The following STOML1 variants were observed in gnomAD, a reference collection of about 807,000 sequenced individuals.
The protein encoded by STOML1 is stomatin-like protein 1.
In STOML1, 27 loss-of-function variants were observed where a neutral mutation model predicts 35.7. The ratio of observed to expected loss-of-function variants is 0.76; its 90% confidence interval spans 0.56 to 1.04. STOML1 has a LOEUF of 1.04. STOML1 is among the 50% of genes least tolerant of loss of function. STOML1 has a pLI of 0.00. For synonymous variants in STOML1, 219 were observed against 227.9 expected, an observed-to-expected ratio of 0.96 and a Z score of 0.35; for missense variants, 451 against 527.1, an observed-to-expected ratio of 0.86 and a Z score of 1.41.
In STOML1 at chr15:73,990,349, A is replaced by G; in HGVS notation, c.240+2T>C. The G allele has an allele frequency of 1.2e-6, 2 of 1,613,980 alleles. No individual in the cohort carries two copies. Among genetic ancestry groups the G allele is most frequent in the Non-Finnish European group, 1.7e-6 (2 of 1,179,920 alleles). Reference sequence around the variant, plus strand: ...CCTGGGGGCTGACCCAGCCAGCCTTACCTTCAGGGCAAACCAGCCAGAAAT... The same window carrying G: ...CCTGGGGGCTGACCCAGCCAGCCTTGCCTTCAGGGCAAACCAGCCAGAAAT... On this transcript the variant is annotated splice_donor_variant, in intron 2 of 6. Transcript: ENST00000541638. LOFTEE classifies it high-confidence loss of function.
chr15:73,993,890 C>T (rs1264965768), upstream of STOML1, among the ~76,000 whole-genome samples: 2 of 151,932 alleles, frequency 1.3e-5, no homozygotes, highest in Non-Finnish European at 2.9e-5. Flanking sequence ...CCTGCCCCCA[C>T]CACCTCAGAT....
chr15:73,992,201 C>T lies in STOML1; in HGVS notation c.23G>A (p.Arg8Gln), dbSNP rs143547792. 8.8e-5 allele frequency: 141 copies of T among 1,606,172 alleles called. 1 individual carries two copies. The African/African-American group carries it at 1.6e-3, about 18-fold the overall frequency. Residue 8 changes from arginine to glutamine, a missense_variant, in exon 1 of 7, where the codon CGG becomes CAG. By Grantham distance (43) the Arg-to-Gln change is conservative. Transcript: ENST00000541638. ...GTCAAAATCACCCAGGGGCAGCGCC[C>T]GGTACCCAGACCTGCCGAGCATGGC... MLGRSGY[R>Q]ALPLGDFDRF... is the part of the protein sequence containing the mutation.
chr15:73,985,325 CG>C lies in STOML1; in HGVS notation c.782del (p.Pro261ArgfsTer10). Reference protein sequence around the residue: ...MNSMAGGAPSPGPADTVEMVS... With the variant: ...MNSMAGGAPSXGPADTVEMVS... The stretch of plus-strand genomic sequence containing the variant: ...CTCCCCAGGGCTCCTCACCTGGCCC[CG>C]GGGACGGGGCACCTCCTGCCATTGA... On this transcript the variant is annotated frameshift_variant, in exon 5 of 7. Transcript: ENST00000541638. LOFTEE classifies it high-confidence loss of function. The C allele has an allele frequency of 1.3e-6, 2 of 1,529,830 alleles. No homozygotes were observed. The highest frequency in any genetic ancestry group is 1.3e-5 in the South Asian group (1 of 77,022). The allele number at this position is 1,529,830 out of a possible 1,614,324, so 94.8% of individuals were successfully genotyped here.
rs1184115674 is a variant in STOML1 at position 73,988,877 on chromosome 15, C to T, written c.391-75G>A. On this transcript the variant is annotated intron_variant, in intron 3 of 6. Coordinates refer to ENST00000541638, the MANE Select transcript of STOML1 (RefSeq NM_004809.5). This position sits in a 1 kb window ranked among gnomAD's most constrained non-coding sequence, Gnocchi z 4.8. ...GGGAGGTCAGGCCCACTGGGGCCAC[C>T]CAGCTTGAACCACCTGCTTGGCAGC... is the stretch of plus-strand genomic sequence containing the variant. 2.6e-6 allele frequency: 4 copies of T among 1,543,260 alleles called. No individual in the cohort carries two copies. In the Admixed American group the frequency reaches 7.5e-5, roughly 29 times the overall value.
At chr15:73,989,310 A>T (rs556132722) in intron 2 of STOML1, 53 bp from the exon 3 acceptor site, 1 of 1,496,918 alleles carries the variant, frequency 6.7e-7, no homozygotes, top group East Asian at 2.3e-5. Flanking sequence ...AGGCTGGCCA[A>T]TGCTGTCTGC....
chr15:73,988,605 C>A lies in STOML1; in HGVS notation c.588G>T (p.Gln196His). The change falls in exon 4 of 7, where the codon CAG becomes CAT. Residue 196 changes from glutamine to histidine, a missense_variant. Physicochemically the swap from Gln to His is conservative, Grantham distance 24. Coordinates refer to ENST00000541638, the MANE Select transcript of STOML1 (RefSeq NM_004809.5). This position sits in a 1 kb window ranked among gnomAD's most constrained non-coding sequence, Gnocchi z 4.8. Reference protein sequence around the residue: ...IQMEKLKISDQLLLEINDVTR... With the variant: ...IQMEKLKISDHLLLEINDVTR... Reference sequence around the variant, plus strand: ...CTTGTGAGGGGCTGCCTACCAGAAGCTGGTCGCTGATCTTGAGCTTCTCCA... The same window carrying A: ...CTTGTGAGGGGCTGCCTACCAGAAGATGGTCGCTGATCTTGAGCTTCTCCA... 6.2e-7 allele frequency: 1 copy of A among 1,614,202 alleles called. No individual in the cohort carries two copies. The highest frequency in any genetic ancestry group is 8.5e-7 in the Non-Finnish European group (1 of 1,180,038).
chr15:73,984,984 T>C, intron 5 of STOML1, 113 bp from the exon 6 acceptor site: 2 of 1,249,414 alleles, frequency 1.6e-6, no homozygotes, highest in Non-Finnish European at 1.1e-6. Context: ...TCCTCTTAGA[T>C]CCCCTTCAGG....
At chr15:73,985,643 G>A in intron 4 of STOML1, 130 bp from the exon 5 acceptor site, 19 of 1,117,708 alleles carry the variant, frequency 1.7e-5, no homozygotes, top group Non-Finnish European at 2.2e-5. Context: ...CCTAGCCTGG[G>A]AACACAGGCA....
chr15:73,985,533 G>A lies in STOML1; in HGVS notation c.595-20C>T, dbSNP rs1398497103. ...CTCCAGCTGGAGGACAGTGTGAGGAGAAATGTAATTAATTCAACAAACCTT... is the reference window on the plus strand; with the variant it reads ...CTCCAGCTGGAGGACAGTGTGAGGAAAAATGTAATTAATTCAACAAACCTT... On this transcript the variant is annotated intron_variant, in intron 4 of 6. Coordinates refer to ENST00000541638, the MANE Select transcript of STOML1 (RefSeq NM_004809.5). 1 of 1,536,840 alleles carries A rather than the reference G, an allele frequency of 6.5e-7. No individual in the cohort carries two copies. The highest frequency in any genetic ancestry group is 8.8e-7 in the Non-Finnish European group (1 of 1,141,646).
chr15:73,989,339 T>C, intron 2 of STOML1, 82 bp from the exon 3 acceptor site: 1 of 1,392,672 alleles, frequency 7.2e-7, no homozygotes, highest in Non-Finnish European at 9.5e-7. Context: ...CTTCCTCACT[T>C]CTCTCCTCCT....
chr15:73,979,606 C>G lies in STOML1; in HGVS notation c.*4331G>C, dbSNP rs2068939360. The stretch of plus-strand genomic sequence containing the variant: ...ACCTCAGGTGATCCACCTGCCTCGG[C>G]CTCCCAAAGTGCTGGGATTAGAGGC... On this transcript the variant is annotated 3_prime_UTR_variant, in exon 7 of 7. Coordinates refer to ENST00000541638, the MANE Select transcript of STOML1 (RefSeq NM_004809.5). 1 of 152,248 alleles carries G rather than the reference C, an allele frequency of 6.6e-6. No homozygotes were observed. The highest frequency in any genetic ancestry group is 6.5e-5 in the Admixed American group (1 of 15,280). The allele number at this position is 152,248 out of a possible 1,614,324, so 9.4% of individuals were successfully genotyped here. A position where few individuals can be genotyped will look rare whatever the true frequency, so the allele number is the denominator to read the frequency against.
Position 73,990,367 on chromosome 15 carries a change from C to A in STOML1, c.224G>T (p.Gly75Val), listed in dbSNP as rs2069232564. ...LLLLVTFPIS[G>V]WFALKIVPTY... ...CAGCCTTACCTTCAGGGCAAACCAG[C>A]CAGAAATGGGGAAGGTGACCAACAG... The change falls in exon 2 of 7, where the codon GGC becomes GTC. Residue 75 changes from glycine to valine, a missense_variant. Transcript: ENST00000541638. 2.5e-6 allele frequency: 4 copies of A among 1,614,052 alleles called. No individual in the cohort carries two copies. The highest frequency in any genetic ancestry group is 3.4e-6 in the Non-Finnish European group (4 of 1,179,966).
Position 73,989,151 on chromosome 15 carries a change from C to T in STOML1, c.347G>A (p.Arg116Lys), listed in dbSNP as rs1244261054. 8.1e-6 allele frequency: 13 copies of T among 1,612,182 alleles called. No homozygotes were observed. The highest frequency in any genetic ancestry group is 8.5e-6 in the Non-Finnish European group (10 of 1,178,994). ...LLLPFIDSFQRVDLRTRAFNV... is the reference protein window; with the variant it reads ...LLLPFIDSFQKVDLRTRAFNV... Reference sequence around the variant, plus strand: ...GAAGGCTCGTGTCCTCAGATCCACCCTCTGAAAGGAGTCAATGAAGGGCAA... The same window carrying T: ...GAAGGCTCGTGTCCTCAGATCCACCTTCTGAAAGGAGTCAATGAAGGGCAA... The change falls in exon 3 of 7, where the codon AGG (arginine) becomes AAG (lysine). Residue 116 changes from arginine (R) to lysine (K), a missense_variant. Transcript: ENST00000541638.
chr15:73,990,177 C>G lies in STOML1; in HGVS notation c.240+174G>C, dbSNP rs919632469. 14 of 630,534 alleles carry G rather than the reference C, an allele frequency of 2.2e-5. No homozygotes were observed. In the Middle Eastern group the frequency reaches 1.0e-3, roughly 47 times the overall value. 39.1% of individuals were successfully genotyped at this position (630,534 alleles called of 1,614,324 possible). A position where few individuals can be genotyped will look rare whatever the true frequency, so the allele number is the denominator to read the frequency against. Reference sequence around the variant, plus strand: ...CTCCCAGTATGACTTTAGACAAGCCCAAGCCTTAGTTTCCTCCCCTGACCA... The same window carrying G: ...CTCCCAGTATGACTTTAGACAAGCCGAAGCCTTAGTTTCCTCCCCTGACCA... On this transcript the variant is annotated intron_variant, in intron 2 of 6. Coordinates refer to ENST00000541638, the MANE Select transcript of STOML1 (RefSeq NM_004809.5).
At chr15:73,985,550 A>G in intron 4 of STOML1, 37 bp from the exon 5 acceptor site, 1 of 1,530,524 alleles carries the variant, frequency 6.5e-7, no homozygotes, top group Non-Finnish European at 8.8e-7. Flanking sequence ...AATTAATTCA[A>G]CAAACCTTTC....
Position 73,983,642 on chromosome 15 carries a change from AG to A in STOML1, c.*294del. 3.1e-6 allele frequency: 1 copy of A among 326,752 alleles called. No homozygotes were observed. Among genetic ancestry groups the A allele is most frequent in the Non-Finnish European group, 5.6e-6 (1 of 178,218 alleles). 20.2% of individuals were successfully genotyped at this position (326,752 alleles called of 1,614,324 possible). On this transcript the variant is annotated 3_prime_UTR_variant, in exon 7 of 7. Transcript: ENST00000541638. Reference sequence around the variant, plus strand: ...CTGTCTCTCCAGTCAGGAAGCCAGCAGGGCAGGGCAGGCCTGGCTCTCCTCC... The same window carrying A: ...CTGTCTCTCCAGTCAGGAAGCCAGCAGGCAGGGCAGGCCTGGCTCTCCTCC...
intron 4 of STOML1, chr15:73,986,250 A>G (rs1164207499): frequency 7.3e-6 from 1 of 137,034 alleles, no homozygotes; most frequent in Non-Finnish European, 1.5e-5. Context: ...CAATGATATG[A>G]GAGGGGGCGG....
Position 73,988,933 on chromosome 15 carries a change from G to A in STOML1, c.391-131C>T. 1 of 1,433,748 alleles carries A rather than the reference G, an allele frequency of 7.0e-7. No homozygotes were observed. The highest frequency in any genetic ancestry group is 9.4e-7 in the Non-Finnish European group (1 of 1,060,646). 88.8% of individuals were successfully genotyped at this position (1,433,748 alleles called of 1,614,324 possible). A position where few individuals can be genotyped will look rare whatever the true frequency, so the allele number is the denominator to read the frequency against. ...CCTCAAGGGCAAATGGTGTCACCAA[G>A]TATGTAGGGTTAGGTGTATGAAGCA... On this transcript the variant is annotated intron_variant, in intron 3 of 6. Coordinates refer to ENST00000541638, the MANE Select transcript of STOML1 (RefSeq NM_004809.5). The surrounding 1 kb of genome is among the most constrained non-coding windows in gnomAD (Gnocchi z 4.8).
chr15:73,980,969 C>A lies in STOML1; in HGVS notation c.*2968G>T, dbSNP rs142101985. The A allele has an allele frequency of 6.6e-6, 1 of 152,146 alleles. No homozygotes were observed. The highest frequency in any genetic ancestry group is 6.5e-5 in the Admixed American group (1 of 15,268). 9.4% of individuals were successfully genotyped at this position (152,146 alleles called of 1,614,324 possible). ...AGCTGAGGCAAGAGGATCGTTTGAGCCCCAGAGTTCAAGGCTACAGTGAGC... is the reference window on the plus strand; with the variant it reads ...AGCTGAGGCAAGAGGATCGTTTGAGACCCAGAGTTCAAGGCTACAGTGAGC... On this transcript the variant is annotated 3_prime_UTR_variant, in exon 7 of 7. Transcript: ENST00000541638.
Sources: allele counts gnomAD v4.1 joint callset (sites outside exome capture counted in the v4.1 genomes callset), GRCh38; gene constraint gnomAD v4.1.1; non-coding constraint Gnocchi (gnomAD v3.1); transcripts MANE v1.5; gene names NCBI Gene and HGNC (gene_info 2026-07-23, HGNC 2026-07-21).